GALNTL6: variants seen among roughly 807,000 people sequenced by gnomAD.
GALNTL6 encodes polypeptide N-acetylgalactosaminyltransferase like 6.
In GALNTL6, 46 loss-of-function variants were observed where a neutral mutation model predicts 73.7. That is an observed-to-expected ratio of 0.62 (90% CI 0.49 to 0.80). The LOEUF (loss-of-function observed/expected upper bound fraction) is 0.80. Among genes scored for constraint, GALNTL6 ranks in the 30% least tolerant of loss-of-function variants. The pLI is 0.00. For synonymous variants in GALNTL6, 259 were observed against 263.7 expected (o/e 0.98, Z 0.17); for missense variants, 604 against 755.0 (o/e 0.80, Z 2.34).
chr4:172,970,144 A>G (rs1207220290), intron 10 of GALNTL6, among the ~76,000 whole-genome samples: 1 of 152,228 alleles, frequency 6.6e-6, no homozygotes, highest in Non-Finnish European at 1.5e-5. Context: ...ACATGCTTCT[A>G]AGGCCGATAA....
chr4:172,395,616 T>C (rs1288038462), intron 5 of GALNTL6, among the ~76,000 whole-genome samples: 2 of 152,106 alleles, frequency 1.3e-5, no homozygotes. Flanking sequence ...GACGAAAGGA[T>C]TGACCATGTA....
intron 5 of GALNTL6, among the ~76,000 whole-genome samples, chr4:172,694,806 TG>T (rs1218579234): frequency 6.6e-6 from 1 of 152,222 alleles, no homozygotes; most frequent in African/African-American, 2.4e-5. Flanking sequence ...AATATAACCA[TG>T]GGCTTATTAA....
chr4:172,736,495 A>G (rs1159268989), intron 5 of GALNTL6, among the ~76,000 whole-genome samples: 1 of 152,194 alleles, frequency 6.6e-6, no homozygotes, highest in South Asian at 2.1e-4. Context: ...CAGATTTCAC[A>G]TTGTTAACAC....
intron 2 of GALNTL6, among the ~76,000 whole-genome samples, chr4:171,834,140 TA>T (rs1337902474): frequency 6.6e-6 from 1 of 151,986 alleles, no homozygotes; most frequent in African/African-American, 2.4e-5. Flanking sequence ...TGCTATAGTG[TA>T]AAACATTAAT....
intron 5 of GALNTL6, among the ~76,000 whole-genome samples, chr4:172,357,892 G>T (rs1742223418): frequency 6.6e-6 from 1 of 152,016 alleles, no homozygotes; most frequent in African/African-American, 2.4e-5. Context: ...AAATTATTAA[G>T]TCCATATCCA....
intron 5 of GALNTL6, among the ~76,000 whole-genome samples, chr4:172,646,401 A>G (rs1339295197): frequency 1.3e-5 from 2 of 152,022 alleles, no homozygotes; most frequent in Non-Finnish European, 2.9e-5. Flanking sequence ...ATAGTTATGA[A>G]TGTAGACAAC....
chr4:172,928,292 C>G (rs2111311241), intron 8 of GALNTL6, among the ~76,000 whole-genome samples: 1 of 152,270 alleles, frequency 6.6e-6, no homozygotes, highest in African/African-American at 2.4e-5. Flanking sequence ...ACTAGGTTTT[C>G]AAATCTCAGT....
At chr4:171,885,742 C>CT (rs532452995) in intron 2 of GALNTL6, among the ~76,000 whole-genome samples, 110 of 152,230 alleles carry the variant, frequency 7.2e-4, no homozygotes, top group African/African-American at 2.3e-3. Context: ...GAGGTCGAGG[C>CT]TGCAGTAAGG....
intron 2 of GALNTL6, among the ~76,000 whole-genome samples, chr4:172,188,739 G>A (rs1735487380): frequency 6.6e-6 from 1 of 152,150 alleles, no homozygotes; most frequent in African/African-American, 2.4e-5. Context: ...TGGGTGAAGG[G>A]TGGTGGGTGG....
At chr4:171,848,871 C>A (rs997043299) in intron 2 of GALNTL6, among the ~76,000 whole-genome samples, 1 of 152,064 alleles carries the variant, frequency 6.6e-6, no homozygotes, top group African/African-American at 2.4e-5. Context: ...TGCTTTTTTA[C>A]CATTTGTGTT....
chr4:172,809,904 G>A lies in GALNTL6; in HGVS notation c.739+358G>A, dbSNP rs1741192516. 7.1e-6 allele frequency among the ~76,000 whole-genome samples: 1 copy of A among 141,248 alleles called. No homozygotes were observed. Among genetic ancestry groups the A allele is most frequent in the African/African-American group, 2.7e-5 (1 of 36,766 alleles). 92.7% of individuals were successfully genotyped at this position (141,248 alleles called of 152,430 possible). On this transcript the variant is annotated intron_variant, in intron 6 of 12. Transcript: ENST00000506823. The surrounding 1 kb of genome is among the most constrained non-coding windows in gnomAD (Gnocchi z 4.4). ...TTTTATAATCCTGTAGCTACAGCAAGATTAAAATACACACACACACACACA... is the reference window on the plus strand; with the variant it reads ...TTTTATAATCCTGTAGCTACAGCAAAATTAAAATACACACACACACACACA...
chr4:172,205,986 G>C (rs911716712), intron 2 of GALNTL6, among the ~76,000 whole-genome samples: 2 of 152,068 alleles, frequency 1.3e-5, no homozygotes, highest in African/African-American at 4.8e-5. Flanking sequence ...CCTACTCAGA[G>C]GTCTACCTGG....
intron 4 of GALNTL6, among the ~76,000 whole-genome samples, chr4:172,331,392 G>T (rs913350290): frequency 1.3e-5 from 2 of 151,996 alleles, no homozygotes; most frequent in Middle Eastern, 3.4e-3. Context: ...CAATTCTTCT[G>T]CCTCAAGAGA....
intron 5 of GALNTL6, chr4:172,380,009 A>G: frequency 1.1e-6 from 1 of 915,408 alleles, no homozygotes; most frequent in South Asian, 1.3e-5. Flanking sequence ...AGTGATGCAT[A>G]CTTGATGATC....
intron 5 of GALNTL6, among the ~76,000 whole-genome samples, chr4:172,759,877 C>T (rs1252764648): frequency 3.4e-4 from 44 of 128,514 alleles, no homozygotes; most frequent in African/African-American, 1.3e-3. Context: ...TCGCCCAGGC[C>T]GGACTGCGGA....
rs147618006 is a variant in GALNTL6 at position 172,244,198 on chromosome 4, C to G, written c.247+14434C>G. Among the ~76,000 whole-genome samples, 474 of 152,036 alleles carry G rather than the reference C, an allele frequency of 3.1e-3. 2 individuals are homozygous for G. The highest frequency in any genetic ancestry group is 0.011 in the African/African-American group (457 of 41,486). On this transcript the variant is annotated intron_variant, in intron 3 of 12. Coordinates refer to ENST00000506823, the MANE Select transcript of GALNTL6 (RefSeq NM_001034845.3). The stretch of plus-strand genomic sequence containing the variant: ...GAAATATTTCCTTTGTCACTCATTG[C>G]ATAATAATGAAAATGTAAAATGGAA...
chr4:172,387,850 T>A (rs1275320644), intron 5 of GALNTL6, among the ~76,000 whole-genome samples: 1 of 152,170 alleles, frequency 6.6e-6, no homozygotes, highest in Non-Finnish European at 1.5e-5. Flanking sequence ...GCCTCTGTTT[T>A]TTTGCTCATG....
intron 2 of GALNTL6, among the ~76,000 whole-genome samples, chr4:171,910,089 ATT>A (rs1737427411): frequency 6.6e-6 from 1 of 152,122 alleles, no homozygotes. Context: ...AAAATAGTAT[ATT>A]TCTTTTCTAG....
chr4:172,954,033 T>C (rs1215987766), intron 10 of GALNTL6, among the ~76,000 whole-genome samples: 1 of 152,220 alleles, frequency 6.6e-6, no homozygotes, highest in African/African-American at 2.4e-5. Context: ...CTATGATGAT[T>C]CAAATGCTGT....
Sources: allele counts gnomAD v4.1 joint callset (sites outside exome capture counted in the v4.1 genomes callset), GRCh38; gene constraint gnomAD v4.1.1; non-coding constraint Gnocchi (gnomAD v3.1); transcripts MANE v1.5; gene names NCBI Gene and HGNC (gene_info 2026-07-23, HGNC 2026-07-21).